Variants in CFAP70 observed in about 807,000 individuals in gnomAD.
CFAP70 encodes the protein cilia and flagella associated protein 70.
In CFAP70, 81 loss-of-function variants were observed where a neutral mutation model predicts 137.6. The observed-to-expected ratio is 0.59, with a 90% CI of 0.49 to 0.71. The LOEUF (loss-of-function observed/expected upper bound fraction) is 0.71, where lower values mean the gene tolerates loss of function less well. Among genes scored for constraint, CFAP70 ranks in the 30% least tolerant of loss-of-function variants. CFAP70 has a pLI of 0.00. For synonymous variants in CFAP70, 382 were observed against 423.6 expected (o/e 0.90, Z 1.20); for missense variants, 976 against 1,226.7 (o/e 0.80, Z 3.05).
intron 9 of CFAP70, among the ~76,000 whole-genome samples, chr10:73,321,062 T>C (rs116075815): frequency 6.6e-6 from 1 of 152,354 alleles, no homozygotes; most frequent in African/African-American, 2.4e-5. Flanking sequence ...TTTTTGCTAT[T>C]ATAGGTTTCA....
At chr10:73,300,590 T>C (rs1363728800) in intron 12 of CFAP70, among the ~76,000 whole-genome samples, 1 of 152,098 alleles carries the variant, frequency 6.6e-6, no homozygotes, top group Non-Finnish European at 1.5e-5. Context: ...AGGCCAGCCA[T>C]GGTGGCTCAT....
chr10:73,352,490 G>A (rs748533512), intron 3 of CFAP70, among the ~76,000 whole-genome samples: 2 of 151,542 alleles, frequency 1.3e-5, no homozygotes, highest in Non-Finnish European at 2.9e-5. Context: ...CTTTTTTTTG[G>A]TCTGTGCCCA....
chr10:73,335,422 C>T lies in CFAP70; in HGVS notation c.677+8G>A. 6.2e-7 allele frequency: 1 copy of T among 1,600,776 alleles called. No homozygotes were observed. Among genetic ancestry groups the T allele is most frequent in the Non-Finnish European group, 8.5e-7 (1 of 1,170,202 alleles). On this transcript the variant is annotated splice_region_variant and intron_variant, in intron 7 of 26. Transcript: ENST00000310715. Reference sequence around the variant, plus strand: ...GGGTTAGACATATGTCCTTCCTCTTCTTCTTACCTGACCACTGCAGAAGGA... The same window carrying T: ...GGGTTAGACATATGTCCTTCCTCTTTTTCTTACCTGACCACTGCAGAAGGA...
At chr10:73,324,364 G>C (rs2051174686) in intron 8 of CFAP70, among the ~76,000 whole-genome samples, 1 of 152,138 alleles carries the variant, frequency 6.6e-6, no homozygotes, top group Non-Finnish European at 1.5e-5. Flanking sequence ...ACCAAAAGTA[G>C]ATAAAACCAC....
intron 8 of CFAP70, among the ~76,000 whole-genome samples, chr10:73,324,314 T>C (rs887383708): frequency 6.6e-6 from 1 of 152,122 alleles, no homozygotes; most frequent in African/African-American, 2.4e-5. Flanking sequence ...AGAAAGGACA[T>C]CCACACCAGA....
At chr10:73,272,342 CAAATAAATAAAT>C (rs146457367) in intron 24 of CFAP70, among the ~76,000 whole-genome samples, 4 of 151,622 alleles carry the variant, frequency 2.6e-5, no homozygotes, top group African/African-American at 9.7e-5. Flanking sequence ...GACTCCATCT[CAAATAAATAAAT>C]AAATAAATAA....
Position 73,256,421 on chromosome 10 carries a change from A to G in CFAP70, c.3028-5T>C, listed in dbSNP as rs539305898. On this transcript the variant is annotated splice_polypyrimidine_tract_variant and splice_region_variant and intron_variant, in intron 25 of 26. Transcript: ENST00000310715. ...AGCTTCTAATTGCCGTCCAACCTGAAAAAAGTGCAGCAGTTGGTGATGATG... is the reference window on the plus strand; with the variant it reads ...AGCTTCTAATTGCCGTCCAACCTGAGAAAAGTGCAGCAGTTGGTGATGATG... 6.2e-7 allele frequency: 1 copy of G among 1,614,086 alleles called. No homozygotes were observed. Among genetic ancestry groups the G allele is most frequent in the East Asian group, 2.2e-5 (1 of 44,870 alleles).
chr10:73,263,466 A>C (rs552139696), intron 25 of CFAP70, among the ~76,000 whole-genome samples: 1 of 152,334 alleles, frequency 6.6e-6, no homozygotes, highest in African/African-American at 2.4e-5. Flanking sequence ...AATCTGGAAT[A>C]GTTCTTGAGT....
In CFAP70 at chr10:73,275,721, C is replaced by CA. The variant is rs2046675694; in HGVS notation, c.2521-124dup. On this transcript the variant is annotated intron_variant, in intron 21 of 26. Transcript: ENST00000310715. The surrounding 1 kb of genome is among the most constrained non-coding windows in gnomAD (Gnocchi z 4.0). Reference sequence around the variant, plus strand: ...TATTACAGAATGAAATAATTATCCTCAACTTCAAAAGGTAAAGGGTGAATT... The same window carrying CA: ...TATTACAGAATGAAATAATTATCCTCAAACTTCAAAAGGTAAAGGGTGAATT... The CA allele has an allele frequency of 1.1e-6, 1 of 894,156 alleles. No individual in the cohort carries two copies. Among genetic ancestry groups the CA allele is most frequent in the South Asian group, 2.5e-5 (1 of 40,322 alleles). The allele number at this position is 894,156 out of a possible 1,614,324, so 55.4% of individuals were successfully genotyped here. A position where few individuals can be genotyped will look rare whatever the true frequency, so the allele number is the denominator to read the frequency against.
At chr10:73,331,067 G>A in intron 8 of CFAP70, 110 bp downstream of exon 9, 2 of 710,970 alleles carry the variant, frequency 2.8e-6, no homozygotes. Context: ...GTCACCCTTA[G>A]GAGAACAGCT....
exon 21 of CFAP70, chr10:73,277,254 C>T (rs139550224): frequency 6.2e-7 from 1 of 1,613,856 alleles, no homozygotes; most frequent in Non-Finnish European, 8.5e-7. Flanking sequence ...ACAGCCTTGA[C>T]TTTCATCAAG....
chr10:73,303,974 T>C (rs2049162941), intron 12 of CFAP70, among the ~76,000 whole-genome samples: 1 of 152,210 alleles, frequency 6.6e-6, no homozygotes, highest in Admixed American at 6.5e-5. Context: ...GAGAGCTCTA[T>C]TTAATGCGGC....
chr10:73,312,743 C>T (rs952952899), intron 9 of CFAP70, 100 bp from the exon 11 acceptor site: 28 of 1,050,082 alleles, frequency 2.7e-5, no homozygotes, highest in African/African-American at 6.5e-5. Flanking sequence ...CAAACAATTT[C>T]GACATTTAAT....
At chr10:73,298,878 T>A (rs2048729613) in intron 14 of CFAP70, 29 bp downstream of exon 15, 1 of 1,601,288 alleles carries the variant, frequency 6.2e-7, no homozygotes, top group African/African-American at 1.3e-5. Flanking sequence ...TAAACACCCA[T>A]GGAGTAATTA....
intron 5 of CFAP70, among the ~76,000 whole-genome samples, chr10:73,342,532 G>A (rs2053338147): frequency 6.6e-6 from 1 of 152,058 alleles, no homozygotes; most frequent in South Asian, 2.1e-4. Context: ...GATGGAGTGA[G>A]ACCCTGTCTC....
At chr10:73,360,530 C>T (rs188420823), upstream of CFAP70, among the ~76,000 whole-genome samples, 295 of 152,212 alleles carry the variant, frequency 1.9e-3, 2 homozygotes, top group African/African-American at 6.3e-3. Context: ...TATATACACA[C>T]GCATAACCAC....
chr10:73,342,031 T>C (rs1158681926), intron 5 of CFAP70, among the ~76,000 whole-genome samples: 1 of 152,222 alleles, frequency 6.6e-6, no homozygotes, highest in Non-Finnish European at 1.5e-5. Context: ...CTTATACCTG[T>C]TTAAAAATTA....
chr10:73,297,209 G>A, intron 14 of CFAP70, 36 bp from the exon 16 acceptor site: 1 of 1,595,210 alleles, frequency 6.3e-7, no homozygotes, highest in Admixed American at 1.7e-5. Context: ...TGATAATACA[G>A]TCCAGCACCA....
intron 3 of CFAP70, among the ~76,000 whole-genome samples, chr10:73,351,067 G>GTATATATATA (rs1257762799): frequency 3.1e-5 from 2 of 64,046 alleles, no homozygotes; most frequent in Non-Finnish European, 5.6e-5. Flanking sequence ...GTGTGTGTGT[G>GTATATATATA]TGTGTATATA....
Sources: gnomAD v4.1 joint callset for allele counts (sites outside exome capture counted in the v4.1 genomes callset) on GRCh38, gnomAD v4.1.1 for gene constraint, Gnocchi (gnomAD v3.1) non-coding constraint, MANE v1.5 for transcripts, NCBI Gene and HGNC (gene_info 2026-07-23, HGNC 2026-07-21) for gene names.